Variants in SLCO5A1 observed in about 807,000 individuals in gnomAD.
The protein encoded by SLCO5A1 is organic anion transporter polypeptide-related protein 4.
In SLCO5A1, 39 loss-of-function variants were observed where a neutral mutation model predicts 65.1. That is an observed-to-expected ratio of 0.60 (90% confidence interval 0.46 to 0.78). SLCO5A1 has a LOEUF of 0.78. Ranked by LOEUF, SLCO5A1 falls within the 30% of genes least tolerant of loss-of-function variation. The pLI, the probability that SLCO5A1 is intolerant of heterozygous loss-of-function variation, is 0.00. For synonymous variants in SLCO5A1, 438 were observed against 415.7 expected, an observed-to-expected ratio of 1.05 and a Z score of -0.65; for missense variants, 1,029 against 1,069.4, an observed-to-expected ratio of 0.96 and a Z score of 0.53.
intron 4 of SLCO5A1, among the ~76,000 whole-genome samples, chr8:69,742,122 T>G (rs2075117007): frequency 6.6e-6 from 1 of 152,132 alleles, no homozygotes; most frequent in African/African-American, 2.4e-5. Context: ...ACCCTCAATT[T>G]CTCAGAAATG....
In SLCO5A1 at chr8:69,832,245, T is replaced by C. The variant is rs1222799030; in HGVS notation, c.429A>G (p.Leu143=). Reference sequence around the variant, plus strand: ...CGCTGCTCAGGTACCCAGAGACCATTAACGCCTGGATGAAGGTCAGAAAGC... The same window carrying C: ...CGCTGCTCAGGTACCCAGAGACCATCAACGCCTGGATGAAGGTCAGAAAGC... ...CMCFLTFIQA[L]MVSGYLSSVI... is the part of the protein sequence containing the mutation. The change falls in exon 2 of 10, where the codon TTA becomes TTG. Residue 143 remains leucine, a synonymous_variant. Transcript: ENST00000260126. The surrounding 1 kb of genome is among the most constrained non-coding windows in gnomAD (Gnocchi z 4.5). 1.2e-6 allele frequency: 2 copies of C among 1,613,980 alleles called. No homozygotes were observed. The highest frequency in any genetic ancestry group is 1.7e-5 in the Admixed American group (1 of 60,004).
intron 4 of SLCO5A1, among the ~76,000 whole-genome samples, chr8:69,738,945 G>A (rs1185467479): frequency 3.3e-5 from 5 of 152,112 alleles, no homozygotes; most frequent in African/African-American, 1.2e-4. Flanking sequence ...TATTTTCATT[G>A]GAGCATAATT....
intron 7 of SLCO5A1, among the ~76,000 whole-genome samples, chr8:69,681,025 A>G (rs1185220175): frequency 6.6e-6 from 1 of 152,246 alleles, no homozygotes; most frequent in Non-Finnish European, 1.5e-5. Context: ...CTCACTCTCA[A>G]GAAAGGACTT....
At chr8:69,716,291 T>C (rs1185952981) in intron 5 of SLCO5A1, among the ~76,000 whole-genome samples, 1 of 152,222 alleles carries the variant, frequency 6.6e-6, no homozygotes, top group East Asian at 1.9e-4. Context: ...GCTATGAACA[T>C]TCATGTACAA....
chr8:69,800,592 T>C (rs1480102249), intron 2 of SLCO5A1, among the ~76,000 whole-genome samples: 2 of 152,162 alleles, frequency 1.3e-5, no homozygotes, highest in African/African-American at 2.4e-5. Context: ...GTTCTCCCTT[T>C]GATTCATTGG....
Position 69,832,347 on chromosome 8 carries a change from G to A in SLCO5A1, c.327C>T (p.Ser109=), listed in dbSNP as rs145247874. 1.5e-4 allele frequency: 235 copies of A among 1,614,126 alleles called. No individual in the cohort carries two copies. Among genetic ancestry groups the A allele is most frequent in the Middle Eastern group, 5.0e-4 (3 of 6,060 alleles). ...VDLSKTFSVS[S]ALAMLQERRC... ...TTCTCTCCTGGAGCATGGCCAAGGC[G>A]GAGGACACCGAGAAGGTTTTGCTGA... is the stretch of plus-strand genomic sequence containing the variant. The change falls in exon 2 of 10, where the codon TCC becomes TCT. Residue 109 remains serine, a synonymous_variant. Transcript: ENST00000260126. This position sits in a 1 kb window ranked among gnomAD's most constrained non-coding sequence, Gnocchi z 4.5.
intron 6 of SLCO5A1, among the ~76,000 whole-genome samples, chr8:69,691,323 T>C (rs1814250973): frequency 6.6e-6 from 1 of 152,208 alleles, no homozygotes; most frequent in Admixed American, 6.5e-5. Flanking sequence ...AAGTCTGAAG[T>C]TTCTGTTTTA....
intron 4 of SLCO5A1, among the ~76,000 whole-genome samples, chr8:69,752,625 AAT>A (rs1403448470): frequency 7.1e-6 from 1 of 141,462 alleles, no homozygotes; most frequent in Non-Finnish European, 1.5e-5. Context: ...TTATATCATC[AAT>A]GGCATTTTTA....
In SLCO5A1 at chr8:69,834,772, A is replaced by ACACACACACACACG. The variant is rs1478744266; in HGVS notation, c.-497+81_-497+82insCGTGTGTGTGTGTG. ...CACACACACACACACACACACACAC[A>ACACACACACACACG]CACACACAGAGCCCGTGGGAAGACA... On this transcript the variant is annotated intron_variant, in intron 1 of 9. Transcript: ENST00000260126. 1.1e-4 allele frequency: 15 copies of ACACACACACACACG among 137,200 alleles called. No homozygotes were observed. The East Asian group carries it at 3.0e-3, about 27-fold the overall frequency. 8.5% of individuals were successfully genotyped at this position (137,200 alleles called of 1,614,324 possible). A position where few individuals can be genotyped will look rare whatever the true frequency, so the allele number is the denominator to read the frequency against.
intron 2 of SLCO5A1, among the ~76,000 whole-genome samples, chr8:69,806,670 AC>A (rs1354954232): frequency 2.0e-5 from 3 of 151,922 alleles, no homozygotes; most frequent in African/African-American, 4.8e-5. Flanking sequence ...TGTCTCACCC[AC>A]CTCCCTTTAC....
intron 2 of SLCO5A1, among the ~76,000 whole-genome samples, chr8:69,795,989 C>T (rs1189009273): frequency 6.6e-6 from 1 of 152,220 alleles, no homozygotes; most frequent in Admixed American, 6.5e-5. Flanking sequence ...CTCTTTGAGG[C>T]ATGGCTGAAG....
chr8:69,831,818 G>C lies in SLCO5A1; in HGVS notation c.856C>G (p.Pro286Ala), dbSNP rs1384054582. The change falls in exon 2 of 10, where the codon CCA (proline) becomes GCA (alanine). Residue 286 changes from proline to alanine, a missense_variant. By Grantham distance (27) the Pro-to-Ala change is conservative. Coordinates refer to ENST00000260126, the MANE Select transcript of SLCO5A1 (RefSeq NM_030958.3). ...TTGACATTGTCATCTAAGTAGGTTGGTCCCAGGGTATAAATAGGTGTGGAG... is the reference window on the plus strand; with the variant it reads ...TTGACATTGTCATCTAAGTAGGTTGCTCCCAGGGTATAAATAGGTGTGGAG... ...MGSTPIYTLG[P>A]TYLDDNVKKE... is the part of the protein sequence containing the mutation. 1.2e-6 allele frequency: 2 copies of C among 1,614,168 alleles called. No individual in the cohort carries two copies. Among genetic ancestry groups the C allele is most frequent in the Non-Finnish European group, 1.7e-6 (2 of 1,180,036 alleles).
chr8:69,747,634 C>T (rs148040621), intron 4 of SLCO5A1, among the ~76,000 whole-genome samples: 140 of 152,238 alleles, frequency 9.2e-4, no homozygotes, highest in African/African-American at 3.1e-3. Context: ...ACTTGAGCAT[C>T]GTGGATTTTG....
chr8:69,745,031 C>A (rs2130849699), intron 4 of SLCO5A1, among the ~76,000 whole-genome samples: 1 of 152,286 alleles, frequency 6.6e-6, no homozygotes, highest in South Asian at 2.1e-4. Context: ...TCCAGCATAT[C>A]TGGGAAAGAG....
intron 2 of SLCO5A1, among the ~76,000 whole-genome samples, chr8:69,826,069 C>T (rs1392647369): frequency 2.0e-5 from 3 of 152,210 alleles, no homozygotes; most frequent in African/African-American, 7.2e-5. Context: ...GGAAAACTGG[C>T]TAGCCATATG....
At chr8:69,714,041 G>C (rs1415924150) in intron 5 of SLCO5A1, among the ~76,000 whole-genome samples, 2 of 152,170 alleles carry the variant, frequency 1.3e-5, no homozygotes, top group African/African-American at 4.8e-5. Flanking sequence ...GATCTGAGAA[G>C]AGACAGCGCG....
rs192408453 is a variant in SLCO5A1 at position 69,751,427 on chromosome 8, C to T, written c.1258+3997G>A. ...AATTTATAATAAGAGTATGAAAACA[C>T]TGAGTCAGATTTTCTCAATGTCTGT... On this transcript the variant is annotated intron_variant, in intron 4 of 9. Coordinates refer to ENST00000260126, the MANE Select transcript of SLCO5A1 (RefSeq NM_030958.3). 8.8e-4 allele frequency among the ~76,000 whole-genome samples: 134 copies of T among 152,224 alleles called. 2 individuals are homozygous for T. The highest frequency in any genetic ancestry group is 3.1e-3 in the African/African-American group (130 of 41,540).
In SLCO5A1 at chr8:69,806,817, G is replaced by C. The variant is rs957642401; in HGVS notation, c.907+24950C>G. ...AAGCATAAGACCTCGGGAGCTTCTG[G>C]ACAAACCTTGAACACATTCTATGCA... On this transcript the variant is annotated intron_variant, in intron 2 of 9. Transcript: ENST00000260126. 2.6e-5 allele frequency among the ~76,000 whole-genome samples: 4 copies of C among 152,294 alleles called. No individual in the cohort carries two copies. The East Asian group carries it at 5.8e-4, about 22-fold the overall frequency.
chr8:69,721,041 T>A (rs1815791053), intron 5 of SLCO5A1, among the ~76,000 whole-genome samples: 1 of 152,252 alleles, frequency 6.6e-6, no homozygotes, highest in Non-Finnish European at 1.5e-5. Flanking sequence ...TGGAATAGAC[T>A]ACATTTCCCA....
Sources: allele counts gnomAD v4.1 joint callset (sites outside exome capture counted in the v4.1 genomes callset), GRCh38; gene constraint gnomAD v4.1.1; non-coding constraint Gnocchi (gnomAD v3.1); transcripts MANE v1.5; gene names NCBI Gene and HGNC (gene_info 2026-07-23, HGNC 2026-07-21).